INTS12: variants seen among roughly 807,000 people sequenced by gnomAD.
INTS12 encodes the protein integrator complex subunit 12.
INTS12 carries 13 observed loss-of-function variants against 41.6 expected under a neutral mutation model. The ratio of observed to expected loss-of-function variants is 0.31; its 90% confidence interval spans 0.20 to 0.50. The LOEUF is 0.50. Ranked by LOEUF, INTS12 falls within the 20% of genes least tolerant of loss-of-function variation. The pLI is 0.98. For synonymous variants in INTS12, 199 were observed against 191.4 expected, an observed-to-expected ratio of 1.04 and a Z score of -0.33; for missense variants, 432 against 541.6, an observed-to-expected ratio of 0.80 and a Z score of 2.01.
At chr4:105,706,571 G>C (rs1339293853) in intron 1 of INTS12, 1 of 152,172 alleles carries the variant, frequency 6.6e-6, no homozygotes, top group Non-Finnish European at 1.5e-5. Flanking sequence ...GTTTCCAAAT[G>C]CTTAGTGTAT....
chr4:105,703,456 T>TA (rs1732154929), intron 2 of INTS12, among the ~76,000 whole-genome samples, 192 bp downstream of exon 2: 1 of 152,180 alleles, frequency 6.6e-6, no homozygotes, highest in Admixed American at 6.5e-5. Flanking sequence ...CTTATTATCC[T>TA]TGATTTATTG....
In INTS12 at chr4:105,691,922, T is replaced by C. The variant is rs557220868; in HGVS notation, c.657+54A>G. 3.0e-6 allele frequency: 4 copies of C among 1,344,896 alleles called. No individual in the cohort carries two copies. In the South Asian group the frequency reaches 5.0e-5, roughly 17 times the overall value. 83.3% of individuals were successfully genotyped at this position (1,344,896 alleles called of 1,614,324 possible). On this transcript the variant is annotated intron_variant, in intron 6 of 7. Coordinates refer to ENST00000340139, the MANE Select transcript of INTS12 (RefSeq NM_020395.4). The stretch of plus-strand genomic sequence containing the variant: ...TTCAAATCTTTGTTTTGAAAGCACA[T>C]ACCAACAAAAACATTGACAGACTGT...
intron 1 of INTS12, 155 bp downstream of exon 1, chr4:105,708,483 C>G (rs1261395764): frequency 2.0e-6 from 2 of 985,194 alleles, no homozygotes; most frequent in East Asian, 2.3e-4. Flanking sequence ...AAGGGGAGAG[C>G]AGTCAGTCTA....
At chr4:105,693,548 G>A in intron 4 of INTS12, 62 bp from the exon 5 acceptor site, 2 of 1,399,066 alleles carry the variant, frequency 1.4e-6, no homozygotes. Context: ...TTAAGTCACT[G>A]AAAGACGAGT....
intron 2 of INTS12, among the ~76,000 whole-genome samples, chr4:105,701,471 T>C (rs571537544): frequency 5.3e-5 from 8 of 152,268 alleles, no homozygotes; most frequent in South Asian, 2.1e-4. Flanking sequence ...ATTATATACA[T>C]CACCTCTACA....
At chr4:105,707,711 T>A (rs1022040079) in intron 1 of INTS12, among the ~76,000 whole-genome samples, 2 of 152,226 alleles carry the variant, frequency 1.3e-5, no homozygotes, top group African/African-American at 4.8e-5. Flanking sequence ...GTCTGTAAAC[T>A]TGATGACAGC....
At chr4:105,697,081 T>C (rs552224483) in intron 3 of INTS12, among the ~76,000 whole-genome samples, 3 of 152,390 alleles carry the variant, frequency 2.0e-5, no homozygotes, top group African/African-American at 2.4e-5. Flanking sequence ...GAGTTCTTCA[T>C]AGATTTTGGG....
chr4:105,690,955 G>C (rs1221528155), intron 6 of INTS12, among the ~76,000 whole-genome samples: 1 of 152,146 alleles, frequency 6.6e-6, no homozygotes, highest in African/African-American at 2.4e-5. Context: ...GAGCAGAACA[G>C]ATTGTAACTT....
chr4:105,685,745 A>G (rs1417852538), intron 7 of INTS12, among the ~76,000 whole-genome samples: 1 of 151,860 alleles, frequency 6.6e-6, no homozygotes, highest in Non-Finnish European at 1.5e-5. Context: ...TCTTTTTGTT[A>G]TGAAATTAGA....
At position 105,708,639 on chromosome 4, in the gene INTS12, G is replaced by A. The variant is rs1469211787; in HGVS notation, c.-173C>T. 3.1e-6 allele frequency: 3 copies of A among 978,504 alleles called. No individual in the cohort carries two copies. The highest frequency in any genetic ancestry group is 3.5e-5 in the African/African-American group (2 of 56,868). 60.6% of individuals were successfully genotyped at this position (978,504 alleles called of 1,614,324 possible). On this transcript the variant is annotated splice_region_variant and 5_prime_UTR_variant, in exon 1 of 8. The change creates a new upstream start codon in the 5' untranslated region. Transcript: ENST00000340139. ...GCAGAGTCGCTCAGCATAACTCACCGTTCCGCCCCGCCCTGCCGATCCGTC... is the reference window on the plus strand; with the variant it reads ...GCAGAGTCGCTCAGCATAACTCACCATTCCGCCCCGCCCTGCCGATCCGTC...
At chr4:105,690,106 A>C (rs1340450922) in intron 6 of INTS12, among the ~76,000 whole-genome samples, 2 of 152,220 alleles carry the variant, frequency 1.3e-5, no homozygotes, top group East Asian at 3.8e-4. Context: ...AGCAGAAAAT[A>C]TGGGAACATG....
rs565229752 is a variant in INTS12 at position 105,708,177 on chromosome 4, G to A, written c.-172+461C>T. ...CTTAGGGACACCTGGAATCGCAGGA[G>A]AAAAGGCTCCGATTCCAAACCAATC... On this transcript the variant is annotated intron_variant, in intron 1 of 7. Transcript: ENST00000340139. The A allele has an allele frequency of 8.1e-6, 8 of 985,418 alleles. No individual in the cohort carries two copies. The South Asian group carries it at 3.3e-4, about 40-fold the overall frequency. 61.0% of individuals were successfully genotyped at this position (985,418 alleles called of 1,614,324 possible).
chr4:105,686,565 A>G, intron 7 of INTS12, 127 bp downstream of exon 7: 1 of 635,374 alleles, frequency 1.6e-6, no homozygotes, highest in Non-Finnish European at 2.7e-6. Flanking sequence ...ATAGTAGTAA[A>G]GTCTTAATTT....
chr4:105,683,412 C>T, intron 7 of INTS12, 95 bp from the exon 8 acceptor site: 1 of 915,258 alleles, frequency 1.1e-6, no homozygotes, highest in East Asian at 2.6e-5. Context: ...TAAATCACAC[C>T]ACCAAATTAG....
At position 105,682,661 on chromosome 4, in the gene INTS12, A is replaced by C; in HGVS notation, c.*72T>G. The C allele has an allele frequency of 1.8e-6, 2 of 1,113,576 alleles. No individual in the cohort carries two copies. Among genetic ancestry groups the C allele is most frequent in the Non-Finnish European group, 2.6e-6 (2 of 754,882 alleles). 69.0% of individuals were successfully genotyped at this position (1,113,576 alleles called of 1,614,324 possible). On this transcript the variant is annotated 3_prime_UTR_variant, in exon 8 of 8. Coordinates refer to ENST00000340139, the MANE Select transcript of INTS12 (RefSeq NM_020395.4). ...GAAGACTTTTATTAAATTACAGTGT[A>C]TTACAGATTATATCATAATAATAAG... is the stretch of plus-strand genomic sequence containing the variant.
Position 105,693,340 on chromosome 4 carries a change from A to G in INTS12, c.456T>C (p.Asp152=), listed in dbSNP as rs1300859857. The change falls in exon 5 of 8, where the codon GAT becomes GAC. Residue 152 remains aspartate, a synonymous_variant. Coordinates refer to ENST00000340139, the MANE Select transcript of INTS12 (RefSeq NM_020395.4). ...DLSSFEETSA[D]DFAMEMGLAC... Reference sequence around the variant, plus strand: ...CCAATCCCATCTCCATGGCAAAATCATCAGCACTGGTCTCCTCAAAACTGG... The same window carrying G: ...CCAATCCCATCTCCATGGCAAAATCGTCAGCACTGGTCTCCTCAAAACTGG... 3.1e-6 allele frequency: 5 copies of G among 1,612,810 alleles called. No individual in the cohort carries two copies. Among genetic ancestry groups the G allele is most frequent in the Non-Finnish European group, 4.2e-6 (5 of 1,179,094 alleles).
intron 7 of INTS12, 74 bp from the exon 8 acceptor site, chr4:105,683,391 A>C: frequency 9.0e-7 from 1 of 1,112,228 alleles, no homozygotes; most frequent in Non-Finnish European, 1.2e-6. Context: ...CAAGTTATGA[A>C]TTGGGAAATT....
At chr4:105,686,615 ATTT>A in intron 7 of INTS12, 74 bp downstream of exon 7, 3 of 1,156,302 alleles carry the variant, frequency 2.6e-6, no homozygotes, top group Non-Finnish European at 3.7e-6. Context: ...TTCTCATTAA[ATTT>A]TTTATCAAGC....
chr4:105,708,471 G>A, intron 1 of INTS12, 167 bp downstream of exon 1: 1 of 985,284 alleles, frequency 1.0e-6, no homozygotes, highest in Non-Finnish European at 1.2e-6. Flanking sequence ...AGTCCTCACT[G>A]AAAGGGGAGA....
Sources: gnomAD v4.1 joint callset for allele counts (sites outside exome capture counted in the v4.1 genomes callset) on GRCh38, gnomAD v4.1.1 for gene constraint, MANE v1.5 for transcripts, NCBI Gene and HGNC (gene_info 2026-07-23, HGNC 2026-07-21) for gene names.